Variants in PRR16 observed in about 807,000 individuals in gnomAD.
The protein encoded by PRR16 is proline rich 16.
A neutral mutation model predicts 18.2 loss-of-function variants in PRR16; 6 were observed. The ratio of observed to expected loss-of-function variants is 0.33; its 90% CI spans 0.18 to 0.65. The LOEUF is 0.65. Among genes scored for constraint, PRR16 ranks in the 30% least tolerant of loss-of-function variants. The pLI is 0.74. For synonymous variants in PRR16, 151 were observed against 147.8 expected (o/e 1.02, Z -0.16); for missense variants, 412 against 376.6 (o/e 1.09, Z -0.78).
chr5:120,533,794 T>C (rs1751627990), intron 1 of PRR16, among the ~76,000 whole-genome samples: 2 of 152,172 alleles, frequency 1.3e-5, no homozygotes, highest in Non-Finnish European at 2.9e-5. Flanking sequence ...CTGAGTGAAA[T>C]AGGAGACTAC....
chr5:120,570,666 T>C, intron 1 of PRR16, among the ~76,000 whole-genome samples: 1 of 152,048 alleles, frequency 6.6e-6, no homozygotes. Context: ...AACTAGACAA[T>C]AGTGCATTAA....
intron 1 of PRR16, among the ~76,000 whole-genome samples, chr5:120,531,840 A>G (rs772336769): frequency 8.5e-5 from 13 of 152,198 alleles, no homozygotes; most frequent in Non-Finnish European, 1.5e-4. Context: ...GCTACAAAGC[A>G]TAATTAATTC....
chr5:120,568,119 A>G (rs1752792801), intron 1 of PRR16, among the ~76,000 whole-genome samples: 1 of 152,240 alleles, frequency 6.6e-6, no homozygotes, highest in Non-Finnish European at 1.5e-5. Flanking sequence ...ATTTCTTTGC[A>G]TATTAATCAT....
chr5:120,734,786 TAC>T, the PRR16 span, among the ~76,000 whole-genome samples: 1 of 152,206 alleles, frequency 6.6e-6, no homozygotes, highest in Admixed American at 6.5e-5. Flanking sequence ...AAAACAATGT[TAC>T]AGAGATTTTC....
At chr5:120,621,938 A>C (rs1240301177) in intron 1 of PRR16, among the ~76,000 whole-genome samples, 1 of 152,174 alleles carries the variant, frequency 6.6e-6, no homozygotes, top group African/African-American at 2.4e-5. Flanking sequence ...TAGCATGCAC[A>C]AACTGGCTCA....
intron 1 of PRR16, among the ~76,000 whole-genome samples, chr5:120,506,796 A>T (rs187070096): frequency 3.9e-4 from 59 of 152,232 alleles, no homozygotes; most frequent in African/African-American, 1.4e-3. Flanking sequence ...AGGCCAAAAA[A>T]AAAGGCAGAG....
chr5:120,669,802 A>G (rs886594008), intron 1 of PRR16, among the ~76,000 whole-genome samples: 1 of 152,110 alleles, frequency 6.6e-6, no homozygotes, highest in Admixed American at 6.6e-5. Flanking sequence ...AACGTAAAAT[A>G]TGCTAATTGA....
At chr5:120,711,497 C>T in the PRR16 span, among the ~76,000 whole-genome samples, 1 of 152,148 alleles carries the variant, frequency 6.6e-6, no homozygotes, top group Non-Finnish European at 1.5e-5. Flanking sequence ...ACTACTACCC[C>T]AAGCTGATTA....
At chr5:120,769,134 T>C in the PRR16 span, among the ~76,000 whole-genome samples, 1 of 151,738 alleles carries the variant, frequency 6.6e-6, no homozygotes, top group Non-Finnish European at 1.5e-5. Flanking sequence ...TCAGACAATG[T>C]TGAACCTTTA....
chr5:120,766,242 C>T, the PRR16 span, among the ~76,000 whole-genome samples: 2 of 151,990 alleles, frequency 1.3e-5, no homozygotes, highest in Non-Finnish European at 2.9e-5. Context: ...GTTCTGGTTG[C>T]ACTGCCTCCT....
At chr5:120,610,393 AAAAT>A (rs1345153870) in intron 1 of PRR16, among the ~76,000 whole-genome samples, 2 of 150,848 alleles carry the variant, frequency 1.3e-5, no homozygotes, top group East Asian at 1.9e-4. Flanking sequence ...ATATTTATTT[AAAAT>A]AAATAAAACT....
chr5:120,701,258 G>A, the PRR16 span, among the ~76,000 whole-genome samples: 5 of 152,048 alleles, frequency 3.3e-5, no homozygotes, highest in Non-Finnish European at 7.4e-5. Context: ...TTAATTTTTG[G>A]AGTTTTATTT....
the PRR16 span, among the ~76,000 whole-genome samples, chr5:120,722,871 A>C: frequency 6.6e-6 from 1 of 151,600 alleles, no homozygotes; most frequent in African/African-American, 2.4e-5. Flanking sequence ...AGATCTGTAG[A>C]TATACAGACA....
At chr5:120,701,325 AC>A in the PRR16 span, among the ~76,000 whole-genome samples, 37 of 152,066 alleles carry the variant, frequency 2.4e-4, no homozygotes, top group African/African-American at 8.0e-4. Context: ...TGGCCTTTTG[AC>A]CTTTTAGGGT....
chr5:120,743,650 ATGT>A, the PRR16 span, among the ~76,000 whole-genome samples: 3 of 152,078 alleles, frequency 2.0e-5, no homozygotes, highest in Non-Finnish European at 4.4e-5. Flanking sequence ...CTCCTAGAAA[ATGT>A]TGTGCTCTTT....
At chr5:120,737,479 A>G in the PRR16 span, among the ~76,000 whole-genome samples, 2 of 151,888 alleles carry the variant, frequency 1.3e-5, no homozygotes, top group Admixed American at 6.6e-5. Context: ...CCAGGAATAA[A>G]TACTATTTGA....
At chr5:120,663,243 A>G (rs1561601554) in intron 1 of PRR16, among the ~76,000 whole-genome samples, 1 of 152,070 alleles carries the variant, frequency 6.6e-6, no homozygotes, top group Non-Finnish European at 1.5e-5. Flanking sequence ...TTCAAACTCA[A>G]CACAGTGAAT....
chr5:120,680,431 C>T (rs1286879669), intron 1 of PRR16, among the ~76,000 whole-genome samples: 1 of 152,106 alleles, frequency 6.6e-6, no homozygotes, highest in Non-Finnish European at 1.5e-5. Context: ...TTTGCTAACA[C>T]AATCACTTGT....
At chr5:120,669,668 GTT>G (rs1230800341) in intron 1 of PRR16, among the ~76,000 whole-genome samples, 1 of 151,874 alleles carries the variant, frequency 6.6e-6, no homozygotes, top group Non-Finnish European at 1.5e-5. Flanking sequence ...TTTAAGAGGT[GTT>G]TTTTAAATAA....
Sources: gnomAD v4.1 joint callset for allele counts (sites outside exome capture counted in the v4.1 genomes callset) on GRCh38, gnomAD v4.1.1 for gene constraint, MANE v1.5 for transcripts, NCBI Gene and HGNC (gene_info 2026-07-23, HGNC 2026-07-21) for gene names.